The following MCC variants were observed in gnomAD, a reference collection of about 807,000 sequenced individuals.
MCC encodes colorectal mutant cancer protein.
A neutral mutation model predicts 116.2 loss-of-function variants in MCC; 90 were observed. That is an observed-to-expected ratio of 0.77 (90% CI 0.65 to 0.92). The LOEUF (loss-of-function observed/expected upper bound fraction) is 0.92. MCC is among the 40% of genes least tolerant of loss of function. The pLI, the probability that MCC is intolerant of heterozygous loss-of-function variation, is 0.00. For missense variants in MCC, 1,516 were observed against 1,312.2 expected, an observed-to-expected ratio of 1.16 and a Z score of -2.40; for synonymous variants, 578 against 510.5, an observed-to-expected ratio of 1.13 and a Z score of -1.78.
At chr5:113,160,926 G>T (rs1039007708) in intron 3 of MCC, among the ~76,000 whole-genome samples, 1 of 152,068 alleles carries the variant, frequency 6.6e-6, no homozygotes, top group Non-Finnish European at 1.5e-5. Context: ...TAACTTTGCT[G>T]CTTAAAGACT....
intron 1 of MCC, among the ~76,000 whole-genome samples, chr5:113,475,422 G>T (rs2248930): frequency 0.69 from 104,729 of 152,048 alleles, 36,488 homozygotes; most frequent in East Asian, 0.88. Context: ...GTTTGAAAAA[G>T]TAATAGGTCC....
chr5:113,419,110 A>C (rs543460250), intron 1 of MCC, among the ~76,000 whole-genome samples: 77 of 152,210 alleles, frequency 5.1e-4, no homozygotes, highest in Non-Finnish European at 1.0e-3. Flanking sequence ...AAGAACACGT[A>C]TCTGCTAATA....
intron 8 of MCC, chr5:113,101,388 T>TACC: frequency 5.2e-6 from 1 of 194,054 alleles, no homozygotes; most frequent in South Asian, 1.4e-4. Context: ...AATTCCATTT[T>TACC]TTTTTTTCAA....
intron 1 of MCC, among the ~76,000 whole-genome samples, chr5:113,451,355 C>G (rs1771387394): frequency 6.6e-6 from 1 of 152,344 alleles, no homozygotes; most frequent in East Asian, 1.9e-4. Context: ...TACAGTTTAT[C>G]CAGACCATTT....
At chr5:113,223,515 G>T (rs2150330356) in intron 3 of MCC, among the ~76,000 whole-genome samples, 1 of 152,272 alleles carries the variant, frequency 6.6e-6, no homozygotes. Flanking sequence ...GCCTGTAACA[G>T]GAAGACTGGT....
intron 2 of MCC, among the ~76,000 whole-genome samples, chr5:113,370,387 T>C (rs1174966319): frequency 6.6e-6 from 1 of 152,224 alleles, no homozygotes; most frequent in Admixed American, 6.5e-5. Context: ...GAAGATTTTA[T>C]TAATGTCTAA....
At chr5:113,282,745 A>G (rs958075994) in intron 3 of MCC, among the ~76,000 whole-genome samples, 22 of 152,142 alleles carry the variant, frequency 1.4e-4, no homozygotes, top group African/African-American at 5.1e-4. Context: ...CAAATACTTC[A>G]TCAAAAGTGC....
At chr5:113,438,969 G>A (rs1770949081) in intron 1 of MCC, among the ~76,000 whole-genome samples, 5 of 152,214 alleles carry the variant, frequency 3.3e-5, no homozygotes, top group Admixed American at 6.5e-5. Context: ...TCCTTGGGCA[G>A]GATCCCCTGG....
At chr5:113,151,641 GACA>G (rs1759884284) in intron 3 of MCC, among the ~76,000 whole-genome samples, 1 of 152,136 alleles carries the variant, frequency 6.6e-6, no homozygotes, top group Non-Finnish European at 1.5e-5. Context: ...TTATGTGTGG[GACA>G]TGGGACCTAA....
chr5:113,363,363 G>A (rs1054850553), intron 2 of MCC, among the ~76,000 whole-genome samples: 2 of 152,182 alleles, frequency 1.3e-5, no homozygotes, highest in South Asian at 2.1e-4. Flanking sequence ...CAGTTCCACC[G>A]GCTGTACAGG....
At chr5:113,133,768 T>C (rs1223414253) in intron 5 of MCC, among the ~76,000 whole-genome samples, 2 of 152,222 alleles carry the variant, frequency 1.3e-5, no homozygotes, top group East Asian at 3.8e-4. Context: ...TCCTCTTTCT[T>C]ACATATCCTT....
intron 1 of MCC, among the ~76,000 whole-genome samples, chr5:113,402,849 C>T (rs568730702): frequency 2.0e-5 from 3 of 152,098 alleles, no homozygotes; most frequent in Non-Finnish European, 4.4e-5. Flanking sequence ...GGCTGGAGGG[C>T]AGTGGTGCGA....
chr5:113,269,798 G>A (rs1249388261), intron 3 of MCC, among the ~76,000 whole-genome samples: 2 of 152,182 alleles, frequency 1.3e-5, no homozygotes, highest in Non-Finnish European at 2.9e-5. Flanking sequence ...TACTAGAAGG[G>A]TGACAGCGAA....
At chr5:113,483,554 AT>A (rs1772434733) in intron 1 of MCC, among the ~76,000 whole-genome samples, 1 of 152,128 alleles carries the variant, frequency 6.6e-6, no homozygotes, top group African/African-American at 2.4e-5. Context: ...ATGTTTCCAA[AT>A]TTTCAACAAC....
intron 6 of MCC, among the ~76,000 whole-genome samples, chr5:113,110,103 G>T (rs1210414170): frequency 6.6e-6 from 1 of 152,166 alleles, no homozygotes; most frequent in Admixed American, 6.5e-5. Flanking sequence ...ACAGGCGTGA[G>T]CTACCTGTGC....
chr5:113,375,846 G>T (rs1768967321), intron 2 of MCC, among the ~76,000 whole-genome samples: 1 of 152,064 alleles, frequency 6.6e-6, no homozygotes, highest in African/African-American at 2.4e-5. Context: ...CAAACCACAA[G>T]GCCACCCTAG....
chr5:113,308,726 G>A (rs1291522901), intron 3 of MCC, among the ~76,000 whole-genome samples: 3 of 151,972 alleles, frequency 2.0e-5, no homozygotes, highest in African/African-American at 4.8e-5. Context: ...TGGGAGGATT[G>A]CTTGAGTCCA....
chr5:113,488,400 C>G lies in MCC; in HGVS notation c.15G>C (p.Ala5=), dbSNP rs770285907. Residue 5 remains alanine, a synonymous_variant, in exon 1 of 19, where the codon GCG becomes GCC. Coordinates refer to ENST00000408903, the MANE Select transcript of MCC (RefSeq NM_001085377.2). ...TGGAGCTCCCCGCAGCCGCTGCCGC[C>G]GCGGCCGCCATCATGCGCCCGCTCC... MMAA[A]AAAAAGSSSS... 2.9e-6 allele frequency: 4 copies of G among 1,397,888 alleles called. No individual in the cohort carries two copies. Among genetic ancestry groups the G allele is most frequent in the Non-Finnish European group, 3.7e-6 (4 of 1,087,772 alleles). The allele number at this position is 1,397,888 out of a possible 1,614,324, so 86.6% of individuals were successfully genotyped here.
chr5:113,170,795 T>C (rs540618436), intron 3 of MCC, among the ~76,000 whole-genome samples: 12 of 152,296 alleles, frequency 7.9e-5, no homozygotes, highest in African/African-American at 2.6e-4. Context: ...GCAACTCATA[T>C]GTTTTGCTCC....
Sources: gnomAD v4.1 joint callset for allele counts (sites outside exome capture counted in the v4.1 genomes callset) on GRCh38, gnomAD v4.1.1 for gene constraint, MANE v1.5 for transcripts, NCBI Gene and HGNC (gene_info 2026-07-23, HGNC 2026-07-21) for gene names.